The following KCNJ1 variants were observed in gnomAD, a reference collection of about 807,000 sequenced individuals.
KCNJ1 encodes ATP-sensitive inward rectifier potassium channel 1.
KCNJ1 carries 24 observed loss-of-function variants against 21.9 expected under a neutral mutation model. The ratio of observed to expected loss-of-function variants is 1.10; its 90% confidence interval spans 0.79 to 1.54. The LOEUF (loss-of-function observed/expected upper bound fraction) is 1.54, where lower values mean the gene tolerates loss of function less well. KCNJ1 is among the 40% of genes most tolerant of loss of function. The pLI, the probability that KCNJ1 is intolerant of heterozygous loss-of-function variation, is 0.00. For synonymous variants in KCNJ1, 152 were observed against 160.9 expected (o/e 0.94, Z 0.42); for missense variants, 457 against 455.4 (o/e 1.00, Z -0.03).
intron 2 of KCNJ1, among the ~76,000 whole-genome samples, chr11:128,850,057 G>T (rs1943454879): frequency 6.7e-6 from 1 of 148,832 alleles, no homozygotes. Flanking sequence ...AGGCAAAAAA[G>T]GACACATCGG....
intron 2 of KCNJ1, among the ~76,000 whole-genome samples, chr11:128,844,857 A>AC (rs1943352818): frequency 1.3e-5 from 2 of 151,960 alleles, no homozygotes; most frequent in African/African-American, 4.8e-5. Context: ...AAAAAAAAAA[A>AC]CACTTATTGC....
chr11:128,839,487 T>C lies in KCNJ1; in HGVS notation c.757A>G (p.Ile253Val), dbSNP rs369455370. The change falls in exon 3 of 3, where the codon ATT becomes GTT. Residue 253 changes from isoleucine to valine, a missense_variant. Transcript: ENST00000392666. ...FISPLTIYHVIDHNSPFFHMA... is the reference protein window; with the variant it reads ...FISPLTIYHVVDHNSPFFHMA... ...TGGAAGAAAGGGCTGTTGTGATCAA[T>C]GACATGGTAAATTGTCAATGGGGAG... 4 of 1,614,110 alleles carry C rather than the reference T, an allele frequency of 2.5e-6. No homozygotes were observed. The highest frequency in any genetic ancestry group is 2.5e-6 in the Non-Finnish European group (3 of 1,180,054).
intron 1 of KCNJ1, among the ~76,000 whole-genome samples, chr11:128,857,687 C>A (rs369442527): frequency 5.9e-5 from 9 of 152,334 alleles, no homozygotes; most frequent in East Asian, 1.9e-4. Flanking sequence ...AATGACCAAG[C>A]AAACATCCAG....
At chr11:128,846,297 T>C (rs932418238) in intron 2 of KCNJ1, among the ~76,000 whole-genome samples, 3 of 152,216 alleles carry the variant, frequency 2.0e-5, no homozygotes, top group Admixed American at 2.0e-4. Context: ...CATTGTTGTA[T>C]GATTTAAATG....
chr11:128,847,432 G>T (rs1283076491), intron 2 of KCNJ1, among the ~76,000 whole-genome samples: 1 of 152,172 alleles, frequency 6.6e-6, no homozygotes, highest in Non-Finnish European at 1.5e-5. Flanking sequence ...CCATTCCGTG[G>T]CTTCCACAAG....
chr11:128,851,133 G>C (rs1312498067), intron 1 of KCNJ1, among the ~76,000 whole-genome samples: 1 of 152,148 alleles, frequency 6.6e-6, no homozygotes, highest in Non-Finnish European at 1.5e-5. Context: ...ATTTAGGATT[G>C]AAAAGTAAAT....
chr11:128,858,175 CGAGGGATGGG>C (rs1419816026), intron 1 of KCNJ1, among the ~76,000 whole-genome samples: 1 of 143,060 alleles, frequency 7.0e-6, no homozygotes, highest in Non-Finnish European at 1.5e-5. Context: ...CGAGGGATGG[CGAGGGATGGG>C]GAGGGATGAG....
rs953608682 is a variant in KCNJ1, at chr11:128,840,870, T to A, written c.-21-606A>T. On this transcript the variant is annotated intron_variant, in intron 2 of 2. Transcript: ENST00000392666. ...CTGAGATTTAGAAAATTTAAATAAC[T>A]TGTCCAAATGCATGTACCTAGCCAG... is the stretch of plus-strand genomic sequence containing the variant. Among the ~76,000 whole-genome samples, 8 of 152,210 alleles carry A rather than the reference T, an allele frequency of 5.3e-5. 1 individual carries two copies. Among genetic ancestry groups the A allele is most frequent in the Admixed American group, 4.6e-4 (7 of 15,282 alleles).
intron 2 of KCNJ1, among the ~76,000 whole-genome samples, chr11:128,847,052 A>G (rs1453478893): frequency 1.3e-5 from 2 of 152,182 alleles, no homozygotes; most frequent in African/African-American, 4.8e-5. Context: ...GAACAGCTTT[A>G]GTCTCATGTC....
rs1340060793 is a variant in KCNJ1 at position 128,840,162 on chromosome 11, C to T, written c.82G>A (p.Gly28Arg). Residue 28 changes from glycine to arginine, a missense_variant, in exon 3 of 3, where the codon GGA becomes AGA. Gly to Arg is a moderately radical substitution (Grantham distance 125). Transcript: ENST00000392666. ...TTGCCAAATTCTATGTTGCACCTTCCATCTTTGGAGACTAGCCTTGCTCTT... is the reference window on the plus strand; with the variant it reads ...TTGCCAAATTCTATGTTGCACCTTCTATCTTTGGAGACTAGCCTTGCTCTT... ...RQRARLVSKD[G>R]RCNIEFGNVE... The T allele has an allele frequency of 6.2e-7, 1 of 1,614,020 alleles. No individual in the cohort carries two copies. Among genetic ancestry groups the T allele is most frequent in the Non-Finnish European group, 8.5e-7 (1 of 1,180,028 alleles).
Position 128,839,193 on chromosome 11 carries a change from T to C in KCNJ1, c.1051A>G (p.Lys351Glu), listed in dbSNP as rs753855422. ...AAGTTGGGGTTGTCATAGCCTCTCTTCATCCTGGCTCTAACATCTTTCTCA... is the reference window on the plus strand; with the variant it reads ...AAGTTGGGGTTGTCATAGCCTCTCTCCATCCTGGCTCTAACATCTTTCTCA... ...YNEKDVRARM[K>E]RGYDNPNFIL... The change falls in exon 3 of 3, where the codon AAG becomes GAG. Residue 351 changes from lysine to glutamate, a missense_variant. Coordinates refer to ENST00000392666, the MANE Select transcript of KCNJ1 (RefSeq NM_153766.3). 4 of 1,614,104 alleles carry C rather than the reference T, an allele frequency of 2.5e-6. No homozygotes were observed. The highest frequency in any genetic ancestry group is 3.4e-6 in the Non-Finnish European group (4 of 1,180,024).
At chr11:128,843,701 A>G (rs1420219329) in intron 2 of KCNJ1, among the ~76,000 whole-genome samples, 1 of 152,190 alleles carries the variant, frequency 6.6e-6, no homozygotes. Flanking sequence ...TCAGCTGGGG[A>G]TCCACCCTTT....
chr11:128,839,362 G>A lies in KCNJ1; in HGVS notation c.882C>T (p.Ser294=), dbSNP rs1049547120. 7.4e-6 allele frequency: 12 copies of A among 1,614,154 alleles called. No individual in the cohort carries two copies. Among genetic ancestry groups the A allele is most frequent in the Non-Finnish European group, 1.0e-5 (12 of 1,179,994 alleles). ...STSATCQVRT[S]YVPEEVLWGY... is the part of the protein sequence containing the mutation. The stretch of plus-strand genomic sequence containing the variant: ...CCCAAAGCACCTCCTCTGGGACATA[G>A]GATGTCCGGACTTGGCAGGTAGCAC... Residue 294 remains serine, a synonymous_variant, in exon 3 of 3, where the codon TCC becomes TCT. Coordinates refer to ENST00000392666, the MANE Select transcript of KCNJ1 (RefSeq NM_153766.3).
intron 1 of KCNJ1, among the ~76,000 whole-genome samples, chr11:128,863,868 G>A (rs1296513322): frequency 1.3e-5 from 2 of 152,044 alleles, no homozygotes; most frequent in Non-Finnish European, 2.9e-5. Context: ...ATGTGTAAGA[G>A]CATCGTTCTT....
chr11:128,838,964 G>T lies in KCNJ1; in HGVS notation c.*161C>A. ...ATACAGTAGCCTTGTGGAGATGCATGTCTTGTGGGATCACAATTGCGGGGC... is the reference window on the plus strand; with the variant it reads ...ATACAGTAGCCTTGTGGAGATGCATTTCTTGTGGGATCACAATTGCGGGGC... On this transcript the variant is annotated 3_prime_UTR_variant, in exon 3 of 3. Transcript: ENST00000392666. The T allele has an allele frequency of 1.5e-6, 1 of 658,650 alleles. No individual in the cohort carries two copies. The highest frequency in any genetic ancestry group is 2.7e-6 in the Non-Finnish European group (1 of 373,954). 40.8% of individuals were successfully genotyped at this position (658,650 alleles called of 1,614,324 possible).
At chr11:128,843,989 T>G (rs944812047) in intron 2 of KCNJ1, among the ~76,000 whole-genome samples, 1 of 152,212 alleles carries the variant, frequency 6.6e-6, no homozygotes, top group Non-Finnish European at 1.5e-5. Context: ...GGAGCACCTA[T>G]TTTGATGAGC....
At chr11:128,841,171 T>A (rs549152236) in intron 2 of KCNJ1, among the ~76,000 whole-genome samples, 2 of 152,218 alleles carry the variant, frequency 1.3e-5, no homozygotes, top group Non-Finnish European at 2.9e-5. Flanking sequence ...AAAGGAATAG[T>A]ATGAGAGCCA....
chr11:128,865,063 C>T (rs1307000955), intron 1 of KCNJ1, among the ~76,000 whole-genome samples: 5 of 152,212 alleles, frequency 3.3e-5, no homozygotes, highest in Admixed American at 6.5e-5. Flanking sequence ...GCCACACCAG[C>T]CTGGTATTCC....
intron 1 of KCNJ1, among the ~76,000 whole-genome samples, chr11:128,861,409 G>C (rs1893140): frequency 0.21 from 32,310 of 152,108 alleles, 3,733 homozygotes; most frequent in South Asian, 0.31. Flanking sequence ...GAAACATGCC[G>C]AGTGAGGAGG....
Sources: gnomAD v4.1 joint callset for allele counts (sites outside exome capture counted in the v4.1 genomes callset) on GRCh38, gnomAD v4.1.1 for gene constraint, MANE v1.5 for transcripts, NCBI Gene and HGNC (gene_info 2026-07-23, HGNC 2026-07-21) for gene names.